The following SLC28A1 variants were observed in gnomAD, a reference collection of about 807,000 sequenced individuals.
SLC28A1 encodes the protein solute carrier family 28 member 1, also known as sodium/nucleoside cotransporter 1.
SLC28A1 carries 64 observed loss-of-function variants against 74.8 expected under a neutral mutation model. The ratio of observed to expected loss-of-function variants is 0.86; its 90% CI spans 0.70 to 1.05. The LOEUF (loss-of-function observed/expected upper bound fraction) is 1.05, where lower values mean the gene tolerates loss of function less well. Among genes scored for constraint, SLC28A1 ranks in the 50% least tolerant of loss-of-function variants. The pLI is 0.00. For synonymous variants in SLC28A1, 359 were observed against 335.0 expected (o/e 1.07, Z -0.78); for missense variants, 828 against 822.8 (o/e 1.01, Z -0.08).
At chr15:84,963,085 T>G in the SLC28A1 span, among the ~76,000 whole-genome samples, 1 of 152,152 alleles carries the variant, frequency 6.6e-6, no homozygotes. Context: ...ATCTTGAGAA[T>G]GGGGGAGGGA....
the SLC28A1 span, among the ~76,000 whole-genome samples, chr15:84,968,930 G>A: frequency 2.6e-5 from 4 of 152,150 alleles, no homozygotes; most frequent in African/African-American, 9.7e-5. Context: ...AGGGAAAGGA[G>A]GATCCTGAGC....
chr15:84,910,643 G>A (rs1043988761), intron 9 of SLC28A1, among the ~76,000 whole-genome samples: 17 of 152,250 alleles, frequency 1.1e-4, no homozygotes, highest in East Asian at 1.9e-4. Context: ...CAGGAGAATC[G>A]CTTGAACCCA....
In SLC28A1 at chr15:84,917,039, AAT is replaced by A. The variant is rs531700414; in HGVS notation, c.796-1483_796-1482del. On this transcript the variant is annotated intron_variant, in intron 9 of 18. Coordinates refer to ENST00000394573, the MANE Select transcript of SLC28A1 (RefSeq NM_004213.5). ...TGAGATTCTGTCTCAAAAAAAAAAA[AAT>A]AAATAAAAAAGGTAGGAACAGATGA... is the stretch of plus-strand genomic sequence containing the variant. Among the ~76,000 whole-genome samples the A allele has an allele frequency of 1.5e-3, 46 of 30,202 alleles. 4 individuals carry two copies. In the South Asian group the frequency reaches 0.059, roughly 39 times the overall value. The allele number at this position is 30,202 out of a possible 152,430, so 19.8% of individuals were successfully genotyped here.
intron 15 of SLC28A1, chr15:84,939,487 A>G (rs1972387121): frequency 6.6e-6 from 1 of 152,180 alleles, no homozygotes; most frequent in South Asian, 2.1e-4. Context: ...ATTTTTTCCA[A>G]TAATATTTGT....
At chr15:84,942,884 A>T (rs1314439641) in intron 15 of SLC28A1, among the ~76,000 whole-genome samples, 3 of 152,120 alleles carry the variant, frequency 2.0e-5, no homozygotes, top group Non-Finnish European at 1.5e-5. Flanking sequence ...GGTAATGAAG[A>T]TTAAAAGGTT....
chr15:84,933,268 A>C lies in SLC28A1; in HGVS notation c.1207A>C (p.Thr403Pro). 2.5e-6 allele frequency: 4 copies of C among 1,612,952 alleles called. No homozygotes were observed. The African/African-American group carries it at 5.3e-5, about 22-fold the overall frequency. Residue 403 changes from threonine to proline, a missense_variant, in exon 13 of 19, where the codon ACC becomes CCC. By Grantham distance (38) the Thr-to-Pro change is conservative. Around this residue, in one of 3 missense-constraint regions of SLC28A1, gnomAD observed 767 missense variants for 753.5 expected, o/e 1.02. Transcript: ENST00000394573. ...TAGGAGGGAGGAAGGAGTGAAACTG[A>C]CCTATGGGTGAGCACAGCAGGAGGT... ...KFRREEGVKLTYGDAQNLIEA... is the reference protein window; with the variant it reads ...KFRREEGVKLPYGDAQNLIEA...
intron 16 of SLC28A1, among the ~76,000 whole-genome samples, chr15:84,944,365 G>A (rs7170348): frequency 0.9 from 137,062 of 152,256 alleles, 61,905 homozygotes; most frequent in African/African-American, 0.97. Flanking sequence ...TGTGTAGGGA[G>A]ATGTGGGGCA....
intron 15 of SLC28A1, among the ~76,000 whole-genome samples, chr15:84,937,754 C>T (rs1257727105): frequency 6.6e-6 from 1 of 151,128 alleles, no homozygotes; most frequent in Non-Finnish European, 1.5e-5. Flanking sequence ...ATACAAAAAT[C>T]AGTGGTTGTG....
the SLC28A1 span, among the ~76,000 whole-genome samples, chr15:84,956,163 T>G: frequency 1.3e-5 from 2 of 152,214 alleles, no homozygotes; most frequent in Admixed American, 1.3e-4. Context: ...TTTTCTCAAA[T>G]TAGTGATTTT....
intron 9 of SLC28A1, 136 bp from the exon 10 acceptor site, chr15:84,918,388 T>C: frequency 2.6e-6 from 2 of 757,156 alleles, no homozygotes; most frequent in Admixed American, 1.8e-5. Context: ...TCTCAGAGCA[T>C]CTTCCCGGAT....
At chr15:84,965,906 G>A in the SLC28A1 span, among the ~76,000 whole-genome samples, 1 of 150,382 alleles carries the variant, frequency 6.6e-6, no homozygotes, top group African/African-American at 2.5e-5. Context: ...GGCGGGGAGG[G>A]GGGGGAAATA....
At chr15:84,931,414 A>G (rs1971257557) in intron 12 of SLC28A1, among the ~76,000 whole-genome samples, 1 of 151,676 alleles carries the variant, frequency 6.6e-6, no homozygotes, top group Non-Finnish European at 1.5e-5. Context: ...TGGGAGGCCA[A>G]GGCAGGCAGA....
chr15:84,931,630 C>T lies in SLC28A1; in HGVS notation c.1084-1515C>T, dbSNP rs183870296. Among the ~76,000 whole-genome samples the T allele has an allele frequency of 5.1e-3, 539 of 105,682 alleles. 1 individual carries two copies. The highest frequency in any genetic ancestry group is 0.017 in the African/African-American group (450 of 26,944). The allele number at this position is 105,682 out of a possible 152,430, so 69.3% of individuals were successfully genotyped here. On this transcript the variant is annotated intron_variant, in intron 12 of 18. Transcript: ENST00000394573. ...TGGCGCCACTACACTCCAGACTGGG[C>T]GACAGAGTGAGACTCCATCTCAAAA...
intron 5 of SLC28A1, 140 bp downstream of exon 5, chr15:84,890,674 G>T: frequency 1.4e-6 from 1 of 728,974 alleles, no homozygotes; most frequent in Non-Finnish European, 2.4e-6. Flanking sequence ...CCCTTGCTGG[G>T]TACTGAGGCA....
chr15:84,899,636 C>T lies in SLC28A1; in HGVS notation c.462-4461C>T, dbSNP rs909983895. Among the ~76,000 whole-genome samples the T allele has an allele frequency of 4.7e-4, 72 of 152,128 alleles. 2 individuals are homozygous for T. Among genetic ancestry groups the T allele is most frequent in the Admixed American group, 3.1e-3 (47 of 15,264 alleles). On this transcript the variant is annotated intron_variant, in intron 6 of 18. Coordinates refer to ENST00000394573, the MANE Select transcript of SLC28A1 (RefSeq NM_004213.5). Reference sequence around the variant, plus strand: ...CCCAAAAGGCTGTCAACCTAGAATTCTTTACCAGTGAAATGTATTTCAAAA... The same window carrying T: ...CCCAAAAGGCTGTCAACCTAGAATTTTTTACCAGTGAAATGTATTTCAAAA...
At chr15:84,886,879 G>C in intron 2 of SLC28A1, 92 bp downstream of exon 2, 2 of 598,654 alleles carry the variant, frequency 3.3e-6, no homozygotes, top group South Asian at 7.3e-5. Flanking sequence ...GTGTGTGCAC[G>C]CACATGCACG....
intron 12 of SLC28A1, among the ~76,000 whole-genome samples, chr15:84,926,364 A>ATT (rs35383548): frequency 0.039 from 5,114 of 130,312 alleles, 275 homozygotes; most frequent in African/African-American, 0.12. Context: ...ACCCCTGGCT[A>ATT]TTTTTTTTTT....
rs1023227377 is a variant in SLC28A1 at position 84,926,348 on chromosome 15, G to A, written c.1083+2238G>A. Among the ~76,000 whole-genome samples the A allele has an allele frequency of 6.2e-5, 9 of 145,562 alleles. No individual in the cohort carries two copies. The Admixed American group carries it at 6.3e-4, about 10-fold the overall frequency. On this transcript the variant is annotated intron_variant, in intron 12 of 18. Transcript: ENST00000394573. ...TGAGTAGCTGGGACTACATACGTGCGCCACCACCCCTGGCTATTTTTTTTT... is the reference window on the plus strand; with the variant it reads ...TGAGTAGCTGGGACTACATACGTGCACCACCACCCCTGGCTATTTTTTTTT...
intron 15 of SLC28A1, 62 bp from the exon 16 acceptor site, chr15:84,943,383 T>C: frequency 8.3e-7 from 1 of 1,206,310 alleles, no homozygotes; most frequent in Non-Finnish European, 1.2e-6. Context: ...GCCTGGGTGT[T>C]ATAGGGGTGC....
Sources: allele counts gnomAD v4.1 joint callset (sites outside exome capture counted in the v4.1 genomes callset), GRCh38; gene constraint gnomAD v4.1.1; regional missense constraint gnomAD v4.1.1; transcripts MANE v1.5; gene names NCBI Gene and HGNC (gene_info 2026-07-23, HGNC 2026-07-21).